CYP4F22: variants seen among roughly 807,000 people sequenced by gnomAD.
CYP4F22 encodes cytochrome P450 family 4 subfamily F member 22.
Under a neutral mutation model 60.4 loss-of-function variants are expected in CYP4F22, and 37 were observed. That is an observed-to-expected ratio of 0.61 (90% CI 0.47 to 0.81). CYP4F22 has a LOEUF of 0.81. Ranked by LOEUF, CYP4F22 falls within the 30% of genes least tolerant of loss-of-function variation. The pLI is 0.00. For synonymous variants in CYP4F22, 258 were observed against 280.5 expected (o/e 0.92, Z 0.80); for missense variants, 655 against 715.0 (o/e 0.92, Z 0.96).
chr19:15,519,698 G>A lies in CYP4F22; in HGVS notation c.-108-3995G>A, dbSNP rs566156959. Among the ~76,000 whole-genome samples, 4 of 152,204 alleles carry A rather than the reference G, an allele frequency of 2.6e-5. No individual in the cohort carries two copies. In the South Asian group the frequency reaches 6.2e-4, roughly 24 times the overall value. On this transcript the variant is annotated intron_variant, in intron 1 of 13. Transcript: ENST00000269703. ...TAGGAGTCACAGGCTGTTAGAAAGGGGATTGTGGTGGCTGGAATGGGACTG... is the reference window on the plus strand; with the variant it reads ...TAGGAGTCACAGGCTGTTAGAAAGGAGATTGTGGTGGCTGGAATGGGACTG...
chr19:15,513,013 T>TC (rs71176426), intron 1 of CYP4F22, among the ~76,000 whole-genome samples: 6 of 149,838 alleles, frequency 4.0e-5, no homozygotes, highest in Admixed American at 6.7e-5. Flanking sequence ...TCTCTCTCTC[T>TC]TTTTTGTATT....
In CYP4F22 at chr19:15,532,122, AAAT is replaced by A. The variant is rs570063274; in HGVS notation, c.367+2274_367+2276del. On this transcript the variant is annotated intron_variant, in intron 4 of 13. Transcript: ENST00000269703. ...TCTGTCTCTAAAAAAATTAAAAAAA[AAAT>A]AATATGGATAGGCATTAGTAAGGGT... Among the ~76,000 whole-genome samples, 180 of 152,048 alleles carry A rather than the reference AAAT, an allele frequency of 1.2e-3. 3 individuals are homozygous for A. The highest frequency in any genetic ancestry group is 4.1e-3 in the African/African-American group (171 of 41,478).
chr19:15,548,322 G>T (rs943173030), intron 11 of CYP4F22, 81 bp downstream of exon 11: 62 of 1,581,120 alleles, frequency 3.9e-5, no homozygotes, highest in Non-Finnish European at 4.8e-5. Context: ...GCCTGGCTAT[G>T]CCTGCCCCAG....
At position 15,551,588 on chromosome 19, in the gene CYP4F22, T is replaced by C; in HGVS notation, c.*117T>C. ...CCCCTCGAAGTTCAGGTTCAGCTCC[T>C]GGATGACCAGGCACCGCTGTTGAGC... On this transcript the variant is annotated 3_prime_UTR_variant, in exon 14 of 14. Transcript: ENST00000269703. The C allele has an allele frequency of 7.8e-7, 1 of 1,286,356 alleles. No homozygotes were observed. The highest frequency in any genetic ancestry group is 1.5e-5 in the African/African-American group (1 of 67,928). 79.7% of individuals were successfully genotyped at this position (1,286,356 alleles called of 1,614,324 possible). A position where few individuals can be genotyped will look rare whatever the true frequency, so the allele number is the denominator to read the frequency against.
chr19:15,541,038 G>A (rs925821249), intron 8 of CYP4F22, among the ~76,000 whole-genome samples: 20 of 152,222 alleles, frequency 1.3e-4, no homozygotes, highest in Non-Finnish European at 1.8e-4. Flanking sequence ...CTATGATGGT[G>A]CCACTGCACT....
chr19:15,546,691 T>G (rs1230959837), intron 10 of CYP4F22, among the ~76,000 whole-genome samples: 1 of 152,188 alleles, frequency 6.6e-6, no homozygotes, highest in Non-Finnish European at 1.5e-5. Flanking sequence ...GAAAAAATAT[T>G]AAGTAAATGA....
chr19:15,524,581 G>A (rs1470569610), intron 2 of CYP4F22, among the ~76,000 whole-genome samples: 2 of 151,936 alleles, frequency 1.3e-5, no homozygotes, highest in Non-Finnish European at 1.5e-5. Flanking sequence ...AGCTGGGGAG[G>A]TTAAAGCTGC....
At chr19:15,527,296 G>A (rs1457404353) in intron 3 of CYP4F22, among the ~76,000 whole-genome samples, 1 of 152,066 alleles carries the variant, frequency 6.6e-6, no homozygotes, top group African/African-American at 2.4e-5. Context: ...AAAAAGGCTG[G>A]TGTTCAAGGC....
At position 15,551,940 on chromosome 19, in the gene CYP4F22, A is replaced by C; in HGVS notation, c.*469A>C. ...CCCTGGCAGGCTTCCAAACTGAGGA[A>C]AGCTGGAGCCTGACGTCAGAGCTTT... On this transcript the variant is annotated 3_prime_UTR_variant, in exon 14 of 14. Coordinates refer to ENST00000269703, the MANE Select transcript of CYP4F22 (RefSeq NM_173483.4). The C allele has an allele frequency of 5.9e-6, 1 of 169,542 alleles. No individual in the cohort carries two copies. The highest frequency in any genetic ancestry group is 1.3e-5 in the Non-Finnish European group (1 of 78,224). 10.5% of individuals were successfully genotyped at this position (169,542 alleles called of 1,614,324 possible).
In CYP4F22 at chr19:15,551,561, C is replaced by G; in HGVS notation, c.*90C>G. On this transcript the variant is annotated 3_prime_UTR_variant, in exon 14 of 14. Coordinates refer to ENST00000269703, the MANE Select transcript of CYP4F22 (RefSeq NM_173483.4). The stretch of plus-strand genomic sequence containing the variant: ...CCAAAGATCCCGAGGGCATAGGCCA[C>G]CCCCCTCGAAGTTCAGGTTCAGCTC... 6.9e-7 allele frequency: 1 copy of G among 1,440,780 alleles called. No homozygotes were observed. 89.2% of individuals were successfully genotyped at this position (1,440,780 alleles called of 1,614,324 possible).
At chr19:15,509,040 C>T (rs1292480189) in intron 1 of CYP4F22, among the ~76,000 whole-genome samples, 1 of 152,034 alleles carries the variant, frequency 6.6e-6, no homozygotes, top group East Asian at 1.9e-4. Flanking sequence ...GGTTGTAGTA[C>T]ATTCAACCGA....
At position 15,551,897 on chromosome 19, in the gene CYP4F22, C is replaced by T. The variant is rs534702412; in HGVS notation, c.*426C>T. The T allele has an allele frequency of 9.5e-5, 17 of 179,550 alleles. No homozygotes were observed. The highest frequency in any genetic ancestry group is 2.9e-4 in the African/African-American group (12 of 41,926). The allele number at this position is 179,550 out of a possible 1,614,324, so 11.1% of individuals were successfully genotyped here. A position where few individuals can be genotyped will look rare whatever the true frequency, so the allele number is the denominator to read the frequency against. On this transcript the variant is annotated 3_prime_UTR_variant, in exon 14 of 14. Coordinates refer to ENST00000269703, the MANE Select transcript of CYP4F22 (RefSeq NM_173483.4). ...ACTCAGGGCCCACCACACCCCACCC[C>T]CCCCCAACTGGCTGAACCCCTGGCA...
intron 8 of CYP4F22, among the ~76,000 whole-genome samples, chr19:15,541,588 A>G (rs904332057): frequency 1.3e-5 from 2 of 152,096 alleles, no homozygotes; most frequent in African/African-American, 2.4e-5. Flanking sequence ...AAAATGAAAT[A>G]CATGACCTTG....
chr19:15,542,503 C>G (rs193074850), intron 8 of CYP4F22, among the ~76,000 whole-genome samples: 1 of 152,290 alleles, frequency 6.6e-6, no homozygotes, highest in African/African-American at 2.4e-5. Context: ...CGCCACTGCA[C>G]TCCAATCTGG....
At chr19:15,549,392 C>T (rs1308266763) in intron 12 of CYP4F22, among the ~76,000 whole-genome samples, 190 bp downstream of exon 12, 1 of 152,162 alleles carries the variant, frequency 6.6e-6, no homozygotes, top group African/African-American at 2.4e-5. Flanking sequence ...CTACTGTGTG[C>T]CAGAGTGTGT....
intron 12 of CYP4F22, among the ~76,000 whole-genome samples, chr19:15,550,385 G>A (rs776915331): frequency 2.0e-5 from 3 of 152,232 alleles, no homozygotes; most frequent in Admixed American, 6.5e-5. Context: ...AGGCCTTGCC[G>A]AGGAGATGTT....
rs1245339561 is a variant in CYP4F22 at position 15,514,287 on chromosome 19, C to T, written c.-109+5704C>T. On this transcript the variant is annotated intron_variant, in intron 1 of 13. Transcript: ENST00000269703. ...AAATAAAAATGTCTAACTACATACA[C>T]GTGGATATGATCTTTGTCGGTTAGA... is the stretch of plus-strand genomic sequence containing the variant. Among the ~76,000 whole-genome samples the T allele has an allele frequency of 3.3e-5, 5 of 152,262 alleles. No individual in the cohort carries two copies. The East Asian group carries it at 7.7e-4, about 23-fold the overall frequency.
Position 15,547,988 on chromosome 19 carries a change from AGAGAGAGGGAGAGAGTGTGTGTGT to A in CYP4F22, c.1137-118_1137-95del, listed in dbSNP as rs1282743770. 4.4e-4 allele frequency: 196 copies of A among 447,578 alleles called. 1 individual carries two copies. The highest frequency in any genetic ancestry group is 3.4e-3 in the Middle Eastern group (6 of 1,748). 27.7% of individuals were successfully genotyped at this position (447,578 alleles called of 1,614,324 possible). A position where few individuals can be genotyped will look rare whatever the true frequency, so the allele number is the denominator to read the frequency against. On this transcript the variant is annotated intron_variant, in intron 10 of 13. Transcript: ENST00000269703. Reference sequence around the variant, plus strand: ...GCCCCTGAGAGAGAGAGAGAGAGAGAGAGAGAGGGAGAGAGTGTGTGTGTGTGTGTGTGTGTGTGTGTGTGTGTG... The same window carrying A: ...GCCCCTGAGAGAGAGAGAGAGAGAGAGTGTGTGTGTGTGTGTGTGTGTGTG...
intron 1 of CYP4F22, among the ~76,000 whole-genome samples, chr19:15,517,676 T>C (rs573935701): frequency 6.6e-6 from 1 of 152,336 alleles, no homozygotes; most frequent in Non-Finnish European, 1.5e-5. Context: ...TCAGAAGTCT[T>C]CCAGCTCTCT....
Sources: gnomAD v4.1 joint callset for allele counts (sites outside exome capture counted in the v4.1 genomes callset) on GRCh38, gnomAD v4.1.1 for gene constraint, MANE v1.5 for transcripts, NCBI Gene and HGNC (gene_info 2026-07-23, HGNC 2026-07-21) for gene names.